Variants in RIC3 observed in about 807,000 individuals in gnomAD.
RIC3 encodes the protein protein RIC-3.
RIC3 carries 28 observed loss-of-function variants against 27.3 expected under a neutral mutation model. The ratio of observed to expected loss-of-function variants is 1.02; its 90% CI spans 0.76 to 1.41. RIC3 has a LOEUF of 1.41. RIC3 is among the 40% of genes most tolerant of loss of function. RIC3 has a pLI of 0.00. For missense variants in RIC3, 501 were observed against 444.7 expected (o/e 1.13, Z -1.14); for synonymous variants, 184 against 160.4 (o/e 1.15, Z -1.11).
intron 1 of RIC3, among the ~76,000 whole-genome samples, chr11:8,157,880 C>T (rs755503603): frequency 9.2e-5 from 14 of 152,148 alleles, no homozygotes; most frequent in South Asian, 2.1e-4. Flanking sequence ...CTAATTTACA[C>T]GCATTCATGG....
chr11:8,118,635 A>G (rs1035035472), intron 5 of RIC3, among the ~76,000 whole-genome samples: 5 of 151,044 alleles, frequency 3.3e-5, no homozygotes, highest in Non-Finnish European at 7.4e-5. Context: ...TGGGAGGCTT[A>G]GGCAGTTGGA....
At chr11:8,100,690 T>C in the RIC3 span, 1 of 1,478,458 alleles carries the variant, frequency 6.8e-7, no homozygotes, top group South Asian at 1.1e-5. Context: ...GATGTGTGTA[T>C]GTGGAGGGGT....
chr11:8,105,941 C>G (rs939683390), downstream of RIC3: 11 of 152,172 alleles, frequency 7.2e-5, no homozygotes, highest in Admixed American at 1.3e-4. Context: ...GGGAACACAG[C>G]CAGTTTTCAC....
chr11:8,161,497 T>C (rs1165455894), intron 1 of RIC3, among the ~76,000 whole-genome samples: 3 of 152,214 alleles, frequency 2.0e-5, no homozygotes, highest in African/African-American at 7.2e-5. Context: ...TTCCCTCCAA[T>C]CTATCCATTG....
At chr11:8,103,538 G>A (rs1944395139), downstream of RIC3, 1 of 152,608 alleles carries the variant, frequency 6.6e-6, no homozygotes, top group South Asian at 2.1e-4. Context: ...ACCTGTCCTA[G>A]CAGGATCTGC....
the RIC3 span, among the ~76,000 whole-genome samples, chr11:8,093,042 G>C: frequency 3.3e-5 from 5 of 152,260 alleles, no homozygotes; most frequent in Non-Finnish European, 5.9e-5. Flanking sequence ...GCACAAATGG[G>C]TGTGGTCCCT....
chr11:8,113,336 A>T (rs1945475809), intron 5 of RIC3, among the ~76,000 whole-genome samples: 1 of 152,182 alleles, frequency 6.6e-6, no homozygotes, highest in East Asian at 1.9e-4. Flanking sequence ...CTCTCAGCCT[A>T]CCCCAACACC....
intron 1 of RIC3, among the ~76,000 whole-genome samples, chr11:8,145,729 C>A (rs1363537476): frequency 6.6e-6 from 1 of 151,720 alleles, no homozygotes; most frequent in Non-Finnish European, 1.5e-5. Context: ...TTAACACCAA[C>A]TACCAGAAAG....
intron 1 of RIC3, among the ~76,000 whole-genome samples, chr11:8,160,028 AAAAG>A (rs1160314668): frequency 2.0e-5 from 3 of 152,186 alleles, no homozygotes; most frequent in African/African-American, 4.8e-5. Context: ...AAATTGTAAA[AAAAG>A]AAAGAAAAAA....
At chr11:8,105,964 G>C (rs1417988125), downstream of RIC3, 3 of 152,064 alleles carry the variant, frequency 2.0e-5, no homozygotes, top group Middle Eastern at 3.2e-3. Flanking sequence ...TGCCTAGACT[G>C]TGTATGTCTA....
the RIC3 span, among the ~76,000 whole-genome samples, chr11:8,100,348 C>T: frequency 1.3e-5 from 2 of 152,062 alleles, no homozygotes. Context: ...GACCCAGGGG[C>T]TCAGTTCTGG....
chr11:8,163,358 C>T (rs1226202282), intron 1 of RIC3, among the ~76,000 whole-genome samples: 1 of 152,108 alleles, frequency 6.6e-6, no homozygotes, highest in African/African-American at 2.4e-5. Context: ...GTAAAGCATA[C>T]TTCTTAAGAT....
At chr11:8,102,761 C>T (rs1463496619), downstream of RIC3, 1 of 152,236 alleles carries the variant, frequency 6.6e-6, no homozygotes, top group Non-Finnish European at 1.5e-5. Flanking sequence ...CCTTAGGAAT[C>T]TAGTACAACC....
the RIC3 span, chr11:8,097,684 C>G: frequency 6.4e-7 from 1 of 1,571,596 alleles, no homozygotes; most frequent in South Asian, 1.1e-5. Context: ...GAGGCTGAGT[C>G]TGGAATATGA....
chr11:8,100,828 G>A, the RIC3 span: 36 of 1,613,794 alleles, frequency 2.2e-5, no homozygotes, highest in South Asian at 3.6e-4. Flanking sequence ...CCTCCCAGGA[G>A]CATGAGACAC....
chr11:8,093,999 C>G, the RIC3 span: 1 of 1,613,014 alleles, frequency 6.2e-7, no homozygotes, highest in Non-Finnish European at 8.5e-7. Context: ...TCTGGTCTCA[C>G]CCACTGCCTG....
chr11:8,114,128 G>A (rs1945581189), intron 5 of RIC3, among the ~76,000 whole-genome samples: 1 of 152,158 alleles, frequency 6.6e-6, no homozygotes, highest in South Asian at 2.1e-4. Context: ...CAGAATCTCT[G>A]GGCAGGCTGA....
At chr11:8,139,610 T>C (rs75569245) in intron 2 of RIC3, 5,001 of 218,910 alleles carry the variant, frequency 0.023, 269 homozygotes, top group African/African-American at 0.11. Context: ...AAAATCTTTA[T>C]TCCTTTTCGG....
intron 4 of RIC3, among the ~76,000 whole-genome samples, chr11:8,132,360 C>T (rs1292868116): frequency 1.3e-5 from 2 of 152,148 alleles, no homozygotes; most frequent in Admixed American, 6.5e-5. Context: ...CACAGCAAAT[C>T]GTTACATTCC....
Sources: allele counts gnomAD v4.1 joint callset (sites outside exome capture counted in the v4.1 genomes callset), GRCh38; gene constraint gnomAD v4.1.1; transcripts MANE v1.5; gene names NCBI Gene and HGNC (gene_info 2026-07-23, HGNC 2026-07-21).